PSAT1: variants seen among roughly 807,000 people sequenced by gnomAD.
The protein encoded by PSAT1 is phosphoserine aminotransferase.
Under a neutral mutation model 40.3 loss-of-function variants are expected in PSAT1, and 41 were observed. That is an observed-to-expected ratio of 1.02 (90% confidence interval 0.79 to 1.32). The LOEUF is 1.32. PSAT1 is among the 40% of genes most tolerant of loss of function. The pLI is 0.00. For synonymous variants in PSAT1, 147 were observed against 170.5 expected (o/e 0.86, Z 1.07); for missense variants, 406 against 455.8 (o/e 0.89, Z 0.99).
intron 1 of PSAT1, among the ~76,000 whole-genome samples, chr9:78,298,786 T>C (rs571186159): frequency 6.6e-6 from 1 of 152,226 alleles, no homozygotes; most frequent in East Asian, 1.9e-4. Context: ...TTTAGTTGAA[T>C]TGTAAATATT....
intron 7 of PSAT1, among the ~76,000 whole-genome samples, chr9:78,322,950 C>T (rs542085064): frequency 1.3e-5 from 2 of 152,174 alleles, no homozygotes; most frequent in African/African-American, 4.8e-5. Context: ...TTGCAGCGCT[C>T]ATTATAATTC....
At chr9:78,310,762 C>T (rs1016225234) in intron 6 of PSAT1, among the ~76,000 whole-genome samples, 15 of 152,118 alleles carry the variant, frequency 9.9e-5, no homozygotes, top group Admixed American at 9.8e-4. Context: ...CGCCTGCCAC[C>T]ATGCCTGGCT....
chr9:78,307,519 C>T (rs1462943218), intron 5 of PSAT1, among the ~76,000 whole-genome samples: 2 of 152,194 alleles, frequency 1.3e-5, no homozygotes, highest in African/African-American at 2.4e-5. Flanking sequence ...ATTACTTTCC[C>T]CCACCCCCAA....
chr9:78,317,501 T>C (rs1037472627), intron 6 of PSAT1, among the ~76,000 whole-genome samples, 175 bp from the exon 7 acceptor site: 2 of 152,250 alleles, frequency 1.3e-5, no homozygotes, highest in Non-Finnish European at 2.9e-5. Flanking sequence ...TCCTTCGGCC[T>C]CGGCCTTCCA....
chr9:78,297,367 C>T (rs1360706606), intron 1 of PSAT1, 97 bp downstream of exon 1: 2 of 1,401,598 alleles, frequency 1.4e-6, no homozygotes, highest in African/African-American at 1.4e-5. Context: ...GATTCCCGCT[C>T]CCTGCCTTGA....
chr9:78,316,119 G>C (rs1325532055), intron 6 of PSAT1, among the ~76,000 whole-genome samples: 1 of 152,154 alleles, frequency 6.6e-6, no homozygotes, highest in African/African-American at 2.4e-5. Context: ...TTCAGACTGG[G>C]GAAAACCATG....
intron 7 of PSAT1, among the ~76,000 whole-genome samples, chr9:78,326,953 A>ATTTTTTTTTTTTTTT (rs1397133333): frequency 1.2e-5 from 1 of 81,512 alleles, no homozygotes; most frequent in African/African-American, 9.2e-5. Context: ...ATATATATAT[A>ATTTTTTTTTTTTTTT]TATTTTTTTT....
Position 78,330,002 on chromosome 9 carries a change from T to C in PSAT1, c.*916T>C, listed in dbSNP as rs1471472276. On this transcript the variant is annotated 3_prime_UTR_variant, in exon 9 of 9. Transcript: ENST00000376588. ...TTGTAATGTATGACTACGAGAGTGA[T>C]ACTTTGCTGAAAAGTCTTTCCCCTA... 1 of 152,254 alleles carries C rather than the reference T, an allele frequency of 6.6e-6. No homozygotes were observed. Among genetic ancestry groups the C allele is most frequent in the African/African-American group, 2.4e-5 (1 of 41,472 alleles). 9.4% of individuals were successfully genotyped at this position (152,254 alleles called of 1,614,324 possible). A position where few individuals can be genotyped will look rare whatever the true frequency, so the allele number is the denominator to read the frequency against.
chr9:78,325,421 C>G (rs1828482985), intron 7 of PSAT1, among the ~76,000 whole-genome samples: 1 of 152,214 alleles, frequency 6.6e-6, no homozygotes, highest in Non-Finnish European at 1.5e-5. Flanking sequence ...ACTCCACAGC[C>G]CCGGCCCTGT....
At chr9:78,324,580 G>A (rs1023791501) in intron 7 of PSAT1, among the ~76,000 whole-genome samples, 1 of 152,144 alleles carries the variant, frequency 6.6e-6, no homozygotes, top group Admixed American at 6.5e-5. Flanking sequence ...GGGAGCAGGG[G>A]CTAGATCCAG....
At chr9:78,328,766 A>C (rs191740055) in intron 8 of PSAT1, among the ~76,000 whole-genome samples, 2 of 152,220 alleles carry the variant, frequency 1.3e-5, no homozygotes, top group East Asian at 3.9e-4. Flanking sequence ...AATGACTCTA[A>C]ATGTGAGCAT....
At chr9:78,307,407 T>A (rs969508112) in intron 5 of PSAT1, among the ~76,000 whole-genome samples, 2 of 152,278 alleles carry the variant, frequency 1.3e-5, no homozygotes, top group Non-Finnish European at 2.9e-5. Context: ...CAGAGCTTCC[T>A]TTCTTTTTAA....
chr9:78,306,229 C>T lies in PSAT1; in HGVS notation c.398-85C>T, dbSNP rs41277899. 174,005 of 1,435,902 alleles carry T rather than the reference C, an allele frequency of 0.12. 11,112 individuals carry two copies. Among genetic ancestry groups the T allele is most frequent in the South Asian group, 0.14 (11,945 of 87,108 alleles). The allele number at this position is 1,435,902 out of a possible 1,614,324, so 88.9% of individuals were successfully genotyped here. A position where few individuals can be genotyped will look rare whatever the true frequency, so the allele number is the denominator to read the frequency against. Reference sequence around the variant, plus strand: ...TTAGTCTTTCCCTGCTAGGGGAGGCCTGTCAGTCTCCTGGTTGACTCCCAT... The same window carrying T: ...TTAGTCTTTCCCTGCTAGGGGAGGCTTGTCAGTCTCCTGGTTGACTCCCAT... On this transcript the variant is annotated intron_variant, in intron 4 of 8. Transcript: ENST00000376588.
At chr9:78,312,617 A>C (rs1828284281) in intron 6 of PSAT1, among the ~76,000 whole-genome samples, 1 of 152,162 alleles carries the variant, frequency 6.6e-6, no homozygotes, top group Non-Finnish European at 1.5e-5. Context: ...AATCACTTGA[A>C]TCCAGGGGGC....
In PSAT1 at chr9:78,318,761, T is replaced by G. The variant is rs76592469; in HGVS notation, c.869+957T>G. Among the ~76,000 whole-genome samples the G allele has an allele frequency of 2.5e-3, 387 of 152,300 alleles. 1 individual carries two copies. The highest frequency in any genetic ancestry group is 8.7e-3 in the African/African-American group (361 of 41,560). The stretch of plus-strand genomic sequence containing the variant: ...CCTTCACATAATGACATCTGCAAAG[T>G]CCTTTTTTTCCAAATAGGTCATATT... On this transcript the variant is annotated intron_variant, in intron 7 of 8. Transcript: ENST00000376588.
intron 5 of PSAT1, 76 bp downstream of exon 5, chr9:78,306,562 G>A (rs1392813111): frequency 2.5e-6 from 4 of 1,577,804 alleles, no homozygotes; most frequent in South Asian, 2.2e-5. Context: ...ATACAAGAGC[G>A]GGAAGAACCA....
At chr9:78,327,942 A>T in intron 7 of PSAT1, 109 bp from the exon 8 acceptor site, 1 of 1,226,284 alleles carries the variant, frequency 8.2e-7, no homozygotes, top group Non-Finnish European at 1.2e-6. Context: ...TTTTTTAAAA[A>T]ATCTTCTGCT....
intron 5 of PSAT1, 75 bp downstream of exon 5, chr9:78,306,561 C>T (rs1041590594): frequency 2.2e-5 from 35 of 1,575,212 alleles, no homozygotes; most frequent in African/African-American, 1.6e-4. Context: ...TATACAAGAG[C>T]GGGAAGAACC....
At chr9:78,305,528 C>A (rs1828169340) in intron 4 of PSAT1, among the ~76,000 whole-genome samples, 1 of 152,162 alleles carries the variant, frequency 6.6e-6, no homozygotes, top group African/African-American at 2.4e-5. Context: ...TCAGGGGCCC[C>A]AACAATGTCT....
Sources: allele counts gnomAD v4.1 joint callset (sites outside exome capture counted in the v4.1 genomes callset), GRCh38; gene constraint gnomAD v4.1.1; transcripts MANE v1.5; gene names NCBI Gene and HGNC (gene_info 2026-07-23, HGNC 2026-07-21).